Variants in FER1L6 observed in about 807,000 individuals in gnomAD.
FER1L6 encodes fer-1 like family member 6.
Under a neutral mutation model 219.2 loss-of-function variants are expected in FER1L6, and 177 were observed. That is an observed-to-expected ratio of 0.81 (90% CI 0.71 to 0.91). The LOEUF is 0.91. FER1L6 is among the 40% of genes least tolerant of loss of function. FER1L6 has a pLI of 0.00. For missense variants in FER1L6, 2,153 were observed against 2,259.9 expected, an observed-to-expected ratio of 0.95 and a Z score of 0.96; for synonymous variants, 768 against 824.3, an observed-to-expected ratio of 0.93 and a Z score of 1.17.
chr8:123,986,316 G>A, intron 12 of FER1L6, 140 bp downstream of exon 12: 1 of 580,270 alleles, frequency 1.7e-6, no homozygotes, highest in Non-Finnish European at 3.1e-6. Context: ...ACAATTCCTT[G>A]TCTACTCTAT....
intron 9 of FER1L6, 88 bp from the exon 10 acceptor site, chr8:123,977,329 C>G (rs2130309401): frequency 7.4e-7 from 1 of 1,352,014 alleles, no homozygotes; most frequent in East Asian, 2.3e-5. Flanking sequence ...TCTTTGAAAA[C>G]TCACTTTATA....
At chr8:124,091,369 C>T in intron 33 of FER1L6, 54 bp from the exon 34 acceptor site, 1 of 1,449,870 alleles carries the variant, frequency 6.9e-7, no homozygotes, top group Non-Finnish European at 9.6e-7. Context: ...ACAGATCATA[C>T]TGGGTGGTTC....
At chr8:123,957,416 G>A (rs1815072003) in intron 2 of FER1L6, among the ~76,000 whole-genome samples, 1 of 152,184 alleles carries the variant, frequency 6.6e-6, no homozygotes, top group Non-Finnish European at 1.5e-5. Flanking sequence ...TAACACTGTG[G>A]TAGGCCCTGT....
Position 124,101,123 on chromosome 8 carries a change from A to G in FER1L6, c.4910A>G (p.Lys1637Arg). 1 of 1,613,824 alleles carries G rather than the reference A, an allele frequency of 6.2e-7. No homozygotes were observed. Reference sequence around the variant, plus strand: ...TGGTTAAAGGGCTTGGAGGATGACAAGCAGGAGACAGATGTGCATTACAAC... The same window carrying G: ...TGGTTAAAGGGCTTGGAGGATGACAGGCAGGAGACAGATGTGCATTACAAC... Reference protein sequence around the residue: ...KGWLKGLEDDKQETDVHYNSL... With the variant: ...KGWLKGLEDDRQETDVHYNSL... Residue 1637 changes from lysine (K) to arginine (R), a missense_variant, in exon 38 of 41, where the codon AAG (lysine) becomes AGG (arginine). Coordinates refer to ENST00000522917, the MANE Select transcript of FER1L6 (RefSeq NM_001039112.2).
intron 7 of FER1L6, 81 bp downstream of exon 7, chr8:123,973,593 C>G: frequency 1.0e-6 from 1 of 997,606 alleles, no homozygotes; most frequent in Non-Finnish European, 1.6e-6. Context: ...CATTCACTCA[C>G]CTGTGTGACC....
rs983443263 is a variant in FER1L6 at position 124,067,881 on chromosome 8, C to T, written c.3718+75C>T. The T allele has an allele frequency of 2.9e-5, 36 of 1,235,292 alleles. No homozygotes were observed. In the South Asian group the frequency reaches 3.1e-4, roughly 11 times the overall value. 76.5% of individuals were successfully genotyped at this position (1,235,292 alleles called of 1,614,324 possible). A position where few individuals can be genotyped will look rare whatever the true frequency, so the allele number is the denominator to read the frequency against. On this transcript the variant is annotated intron_variant, in intron 28 of 40. Coordinates refer to ENST00000522917, the MANE Select transcript of FER1L6 (RefSeq NM_001039112.2). Reference sequence around the variant, plus strand: ...CGAGAAAATTGTAAAATGGAAGCCACGGGAGGTGTATTAGAGCTCAACTCC... The same window carrying T: ...CGAGAAAATTGTAAAATGGAAGCCATGGGAGGTGTATTAGAGCTCAACTCC...
At position 124,003,195 on chromosome 8, in the gene FER1L6, A is replaced by T. The variant is rs1434690376; in HGVS notation, c.1548A>T (p.Gly516=). 1 of 1,613,830 alleles carries T rather than the reference A, an allele frequency of 6.2e-7. No homozygotes were observed. The highest frequency in any genetic ancestry group is 8.5e-7 in the Non-Finnish European group (1 of 1,179,938). The change falls in exon 13 of 41, where the codon GGA becomes GGT. Residue 516 remains glycine, a synonymous_variant. Transcript: ENST00000522917. ...ATTTTGGAAACCTGATTGATGGAGGATCCCATCATGGGAGTAAGAAGTCAG... is the reference window on the plus strand; with the variant it reads ...ATTTTGGAAACCTGATTGATGGAGGTTCCCATCATGGGAGTAAGAAGTCAG... The part of the protein sequence containing the change: ...IGNFGNLIDG[G]SHHGSKKSAE...
chr8:124,057,806 G>A (rs1820374191), intron 22 of FER1L6, among the ~76,000 whole-genome samples: 1 of 151,892 alleles, frequency 6.6e-6, no homozygotes, highest in South Asian at 2.1e-4. Flanking sequence ...CTTCTTTCCA[G>A]TGACTAAATT....
At chr8:123,968,489 T>G (rs1213625100) in intron 5 of FER1L6, among the ~76,000 whole-genome samples, 3 of 152,200 alleles carry the variant, frequency 2.0e-5, no homozygotes, top group Non-Finnish European at 4.4e-5. Context: ...GTGAGGCAGT[T>G]GAGTCTGAAA....
chr8:124,004,641 CTTTCCCTATT>C (rs1400274509), intron 13 of FER1L6, among the ~76,000 whole-genome samples: 1 of 152,090 alleles, frequency 6.6e-6, no homozygotes, highest in Non-Finnish European at 1.5e-5. Flanking sequence ...AACTTTTCTT[CTTTCCCTATT>C]TTTCCTATCT....
chr8:123,955,326 A>G (rs1056432148), intron 1 of FER1L6, among the ~76,000 whole-genome samples: 4 of 152,182 alleles, frequency 2.6e-5, no homozygotes, highest in Non-Finnish European at 5.9e-5. Context: ...GCTTATGGCT[A>G]ACAATAACAA....
At chr8:124,005,298 G>A (rs16899185) in intron 13 of FER1L6, among the ~76,000 whole-genome samples, 3,850 of 152,296 alleles carry the variant, frequency 0.025, 104 homozygotes, top group East Asian at 0.11. Flanking sequence ...TCCGGAGGCC[G>A]TAGCTTATGG....
rs201702749 is a variant in FER1L6, at chr8:124,119,767, C to G, written c.5551C>G (p.Arg1851Gly). ...FIYTLPGAIS[R>G]RIVVGS Reference sequence around the variant, plus strand: ...CTACACCTTGCCAGGAGCCATCAGCCGAAGGATCGTTGTGGGCTCATAGAG... The same window carrying G: ...CTACACCTTGCCAGGAGCCATCAGCGGAAGGATCGTTGTGGGCTCATAGAG... The change falls in exon 41 of 41, where the codon CGA becomes GGA. Residue 1851 changes from arginine to glycine, a missense_variant. Physicochemically the swap from Arg to Gly is moderately radical, Grantham distance 125. Transcript: ENST00000522917. 3 of 1,613,834 alleles carry G rather than the reference C, an allele frequency of 1.9e-6. No homozygotes were observed. The African/African-American group carries it at 4.0e-5, about 22-fold the overall frequency.
At chr8:124,044,821 T>C (rs936643501) in intron 20 of FER1L6, among the ~76,000 whole-genome samples, 4 of 152,202 alleles carry the variant, frequency 2.6e-5, no homozygotes, top group Non-Finnish European at 4.4e-5. Flanking sequence ...TCCAATTAAA[T>C]AGAGAAGAAA....
chr8:124,089,640 A>G (rs1821937805), intron 33 of FER1L6, among the ~76,000 whole-genome samples: 1 of 152,228 alleles, frequency 6.6e-6, no homozygotes, highest in Non-Finnish European at 1.5e-5. Context: ...CTTTAAGAGT[A>G]TGGCATAATT....
At chr8:124,105,238 T>A (rs530262169) in intron 39 of FER1L6, among the ~76,000 whole-genome samples, 126 of 152,332 alleles carry the variant, frequency 8.3e-4, no homozygotes, top group African/African-American at 2.8e-3. Context: ...GAGGTAGGAA[T>A]GAGTTTAGTG....
rs537487307 is a variant in FER1L6, at chr8:123,949,346, C to T, written c.-7-6646C>T. ...CCCATTCTCCTATTTCCAATGTCCA[C>T]AGCATCAAAAAAAAAATGAGGTTCA... On this transcript the variant is annotated intron_variant, in intron 1 of 40. Coordinates refer to ENST00000522917, the MANE Select transcript of FER1L6 (RefSeq NM_001039112.2). Among the ~76,000 whole-genome samples the T allele has an allele frequency of 3.2e-4, 49 of 151,800 alleles. 1 individual carries two copies. Among genetic ancestry groups the T allele is most frequent in the African/African-American group, 1.0e-3 (42 of 41,364 alleles).
intron 8 of FER1L6, 25 bp from the exon 9 acceptor site, chr8:123,975,873 T>A: frequency 6.6e-7 from 1 of 1,516,598 alleles, no homozygotes; most frequent in Non-Finnish European, 8.9e-7. Flanking sequence ...GAGAGCTTTT[T>A]CATTTGTTTT....
Position 124,069,403 on chromosome 8 carries a change from AAAG to A in FER1L6, c.3771_3773del (p.Lys1258del), listed in dbSNP as rs1299258383. ...TAGTGGTAGATATAGAAGATGGGCC[AAAG>A]AAGAAGAAAGACAAAATGCTCAAGA... On this transcript the variant is annotated inframe_deletion, in exon 29 of 41. Coordinates refer to ENST00000522917, the MANE Select transcript of FER1L6 (RefSeq NM_001039112.2). The A allele has an allele frequency of 6.2e-7, 1 of 1,612,292 alleles. No individual in the cohort carries two copies.
Sources: gnomAD v4.1 joint callset for allele counts (sites outside exome capture counted in the v4.1 genomes callset) on GRCh38, gnomAD v4.1.1 for gene constraint, MANE v1.5 for transcripts, NCBI Gene and HGNC (gene_info 2026-07-23, HGNC 2026-07-21) for gene names.